Variants in EOGT observed in about 807,000 individuals in gnomAD.
EOGT encodes the protein EGF domain-specific O-linked N-acetylglucosamine transferase.
Under a neutral mutation model 70.5 loss-of-function variants are expected in EOGT, and 55 were observed. The observed-to-expected ratio is 0.78, with a 90% CI of 0.63 to 0.98. The LOEUF (loss-of-function observed/expected upper bound fraction) is 0.98, where lower values mean the gene tolerates loss of function less well. EOGT is among the 50% of genes least tolerant of loss of function. EOGT has a pLI of 0.00. For missense variants in EOGT, 703 were observed against 641.9 expected, an observed-to-expected ratio of 1.10 and a Z score of -1.03; for synonymous variants, 246 against 217.1, an observed-to-expected ratio of 1.13 and a Z score of -1.17.
chr3:68,984,751 C>G (rs1055780150), intron 14 of EOGT, among the ~76,000 whole-genome samples: 1 of 151,642 alleles, frequency 6.6e-6, no homozygotes, highest in South Asian at 2.1e-4. Context: ...ATCTGAAAAC[C>G]TCACACATGC....
intron 9 of EOGT, among the ~76,000 whole-genome samples, chr3:68,998,387 T>A (rs1213707077): frequency 1.3e-5 from 2 of 152,192 alleles, no homozygotes; most frequent in East Asian, 3.8e-4. Context: ...AAGTGATCAT[T>A]AAGTTCCCAG....
intron 10 of EOGT, among the ~76,000 whole-genome samples, chr3:68,991,052 G>A (rs550233306): frequency 6.6e-6 from 1 of 152,238 alleles, no homozygotes; most frequent in Admixed American, 6.5e-5. Flanking sequence ...GGTTTCCTGA[G>A]ATAAAATACT....
At position 68,975,499 on chromosome 3, in the gene EOGT, T is replaced by C. The variant is rs375834875; in HGVS notation, c.*2119A>G. On this transcript the variant is annotated 3_prime_UTR_variant, in exon 18 of 18. Coordinates refer to ENST00000383701, the MANE Select transcript of EOGT (RefSeq NM_001278689.2). The stretch of plus-strand genomic sequence containing the variant: ...TAGTCTATAGTATCCCATTTTCACA[T>C]GCTTCTTAAAATGAGGTAAGAAGAC... 1.5e-3 allele frequency: 225 copies of C among 152,314 alleles called. 1 individual carries two copies. Among genetic ancestry groups the C allele is most frequent in the African/African-American group, 5.1e-3 (213 of 41,480 alleles). 9.4% of individuals were successfully genotyped at this position (152,314 alleles called of 1,614,324 possible).
chr3:69,003,276 C>T lies in EOGT; in HGVS notation c.620+1102G>A, dbSNP rs182895438. 2.7e-4 allele frequency among the ~76,000 whole-genome samples: 41 copies of T among 152,278 alleles called. No homozygotes were observed. The East Asian group carries it at 7.1e-3, about 27-fold the overall frequency. Reference sequence around the variant, plus strand: ...TATGAGATATTATCATTAGAGGAAGCTCAGGGAATTAGACAACGTACAAGT... The same window carrying T: ...TATGAGATATTATCATTAGAGGAAGTTCAGGGAATTAGACAACGTACAAGT... On this transcript the variant is annotated intron_variant, in intron 8 of 17. Transcript: ENST00000383701.
In EOGT at chr3:68,977,589, C is replaced by G; in HGVS notation, c.*29G>C. On this transcript the variant is annotated 3_prime_UTR_variant, in exon 18 of 18. Coordinates refer to ENST00000383701, the MANE Select transcript of EOGT (RefSeq NM_001278689.2). ...GTCTGGGTGTTGGAGTGTTTAAACA[C>G]TCTCTTTTTGCAAACAGACTCAGCA... is the stretch of plus-strand genomic sequence containing the variant. 6.2e-7 allele frequency: 1 copy of G among 1,611,968 alleles called. No individual in the cohort carries two copies. The highest frequency in any genetic ancestry group is 1.1e-5 in the South Asian group (1 of 90,644).
At chr3:68,982,380 T>C (rs1366697281) in intron 15 of EOGT, among the ~76,000 whole-genome samples, 1 of 151,782 alleles carries the variant, frequency 6.6e-6, no homozygotes, top group Non-Finnish European at 1.5e-5. Context: ...ATTAGCCGGA[T>C]ATGGTGGCAC....
At chr3:69,008,568 A>G in intron 4 of EOGT, 40 bp from the exon 5 acceptor site, 1 of 1,442,292 alleles carries the variant, frequency 6.9e-7, no homozygotes, top group Non-Finnish European at 9.7e-7. Context: ...TTCTTCTGAC[A>G]TTTAGAGAAG....
intron 9 of EOGT, 77 bp from the exon 10 acceptor site, chr3:68,998,191 A>G (rs1028438784): frequency 3.8e-5 from 30 of 779,376 alleles, no homozygotes; most frequent in Middle Eastern, 2.5e-4. Flanking sequence ...TATCCCATCT[A>G]TTTACAGTTT....
At chr3:68,985,640 A>G (rs1456469771) in intron 14 of EOGT, among the ~76,000 whole-genome samples, 1 of 152,164 alleles carries the variant, frequency 6.6e-6, no homozygotes, top group African/African-American at 2.4e-5. Flanking sequence ...TCTTGAATGC[A>G]TCTACCATGT....
chr3:68,990,810 CTCT>C (rs1474023872), intron 10 of EOGT, among the ~76,000 whole-genome samples: 7 of 151,132 alleles, frequency 4.6e-5, no homozygotes, highest in Admixed American at 4.6e-4. Flanking sequence ...ATGTTCATGT[CTCT>C]TTTTTATAGC....
rs1427970773 is a variant in EOGT at position 68,988,199 on chromosome 3, G to A, written c.1083+96C>T. On this transcript the variant is annotated intron_variant, in intron 13 of 17. Transcript: ENST00000383701. ...CCAGAAAATGTTAACACAAAAACAT[G>A]GTCTCCTGATTATTTCTGTTTCTGA... 9.3e-6 allele frequency: 8 copies of A among 859,554 alleles called. 1 individual carries two copies. The South Asian group carries it at 1.3e-4, about 14-fold the overall frequency. The allele number at this position is 859,554 out of a possible 1,614,324, so 53.2% of individuals were successfully genotyped here.
chr3:68,986,548 T>C (rs1229701224), intron 14 of EOGT, among the ~76,000 whole-genome samples: 2 of 152,180 alleles, frequency 1.3e-5, no homozygotes, highest in African/African-American at 4.8e-5. Context: ...TCTAGAATAC[T>C]GAAAGCTCAG....
intron 16 of EOGT, 55 bp downstream of exon 16, chr3:68,979,613 A>G: frequency 6.8e-7 from 1 of 1,469,612 alleles, no homozygotes; most frequent in South Asian, 1.3e-5. Context: ...AAGCTTTAGC[A>G]TGCATAAAAA....
chr3:68,991,808 T>TTAACTG (rs1358481719), intron 10 of EOGT, among the ~76,000 whole-genome samples: 1 of 152,100 alleles, frequency 6.6e-6, no homozygotes, highest in Admixed American at 6.6e-5. Flanking sequence ...AAAAAGAAGT[T>TTAACTG]TAACTGGACT....
intron 11 of EOGT, 31 bp from the exon 12 acceptor site, chr3:68,988,608 T>C (rs760211929): frequency 1.5e-6 from 2 of 1,376,278 alleles, no homozygotes; most frequent in South Asian, 2.6e-5. Context: ...AAAGAAGATG[T>C]AATTTGCACC....
intron 9 of EOGT, among the ~76,000 whole-genome samples, chr3:69,000,095 A>T (rs1000746365): frequency 2.0e-5 from 3 of 152,100 alleles, no homozygotes; most frequent in Non-Finnish European, 4.4e-5. Flanking sequence ...ATGGTGGTGC[A>T]TATGCCTGTA....
intron 10 of EOGT, among the ~76,000 whole-genome samples, chr3:68,997,437 C>T (rs1011035968): frequency 1.3e-4 from 19 of 150,954 alleles, no homozygotes; most frequent in Non-Finnish European, 2.5e-4. Flanking sequence ...GGCACGATCT[C>T]GGCTCAATGC....
intron 14 of EOGT, among the ~76,000 whole-genome samples, chr3:68,986,431 C>G (rs567275911): frequency 6.6e-6 from 1 of 152,268 alleles, no homozygotes; most frequent in African/African-American, 2.4e-5. Flanking sequence ...CCCTCTCCCA[C>G]CAAGGTCTAG....
intron 13 of EOGT, chr3:68,987,995 G>T: frequency 5.0e-6 from 2 of 403,020 alleles, no homozygotes; most frequent in Non-Finnish European, 8.9e-6. Context: ...GCTCACTGCA[G>T]CCTCTGCCTC....
Sources: gnomAD v4.1 joint callset for allele counts (sites outside exome capture counted in the v4.1 genomes callset) on GRCh38, gnomAD v4.1.1 for gene constraint, MANE v1.5 for transcripts, NCBI Gene and HGNC (gene_info 2026-07-23, HGNC 2026-07-21) for gene names.